Variants in AIRIM observed in about 807,000 individuals in gnomAD.
AIRIM encodes the protein AFG2-interacting ribosome maturation factor.
the AIRIM span, chr1:37,686,405 C>A: frequency 6.2e-7 from 1 of 1,614,084 alleles, no homozygotes; most frequent in East Asian, 2.2e-5. Flanking sequence ...CTGAAACACT[C>A]GCTCCACATG....
the AIRIM span, chr1:37,691,707 C>T: frequency 1.3e-5 from 2 of 152,460 alleles, no homozygotes; most frequent in Non-Finnish European, 2.9e-5. Context: ...CTGCCTCCTG[C>T]CCTGGGCTCC....
At chr1:37,690,614 C>T in the AIRIM span, 2 of 487,558 alleles carry the variant, frequency 4.1e-6, no homozygotes, top group Admixed American at 4.2e-5. Flanking sequence ...GCCGCAATGA[C>T]TTCTGGGTAC....
chr1:37,682,006 C>T, the AIRIM span: 15 of 152,140 alleles, frequency 9.9e-5, no homozygotes, highest in East Asian at 2.9e-3. Context: ...TGGGAGGATC[C>T]CTTGAGCTCA....
the AIRIM span, chr1:37,686,239 T>A: frequency 1.3e-6 from 2 of 1,577,908 alleles, no homozygotes; most frequent in Non-Finnish European, 1.7e-6. Context: ...TTAGAACAGC[T>A]CTGGCTGTGA....
chr1:37,683,718 A>C, the AIRIM span: 4 of 308,920 alleles, frequency 1.3e-5, no homozygotes, highest in African/African-American at 8.6e-5. Flanking sequence ...CAAAAGGGAC[A>C]TGAGAGGTAA....
chr1:37,689,547 T>C, the AIRIM span: 7 of 1,515,870 alleles, frequency 4.6e-6, no homozygotes, highest in South Asian at 2.6e-5. Context: ...ACTAGCTACA[T>C]ATAAAACACC....
the AIRIM span, chr1:37,683,374 AGCTTG>A: frequency 6.2e-7 from 1 of 1,614,102 alleles, no homozygotes; most frequent in South Asian, 1.1e-5. Flanking sequence ...CCTTGGGCAA[AGCTTG>A]TATGTTTGCC....
chr1:37,686,720 A>T, the AIRIM span, among the ~76,000 whole-genome samples: 8 of 152,206 alleles, frequency 5.3e-5, no homozygotes, highest in Non-Finnish European at 1.2e-4. Context: ...TCTCCAATTG[A>T]GACCACTGGT....
the AIRIM span, among the ~76,000 whole-genome samples, chr1:37,687,057 A>G: frequency 2.1e-5 from 3 of 140,562 alleles, no homozygotes; most frequent in African/African-American, 8.0e-5. Flanking sequence ...CTCCGTCTCA[A>G]AAGTGTGTGT....
the AIRIM span, among the ~76,000 whole-genome samples, chr1:37,686,109 T>A: frequency 2.8e-4 from 43 of 152,260 alleles, no homozygotes; most frequent in African/African-American, 9.4e-4. Context: ...AGCTACTCGA[T>A]AAATTATTAG....
the AIRIM span, among the ~76,000 whole-genome samples, chr1:37,688,957 C>T: frequency 7.3e-6 from 1 of 137,232 alleles, no homozygotes; most frequent in Admixed American, 7.4e-5. Context: ...CAGAGCAAGA[C>T]CCTGTCTCAA....
chr1:37,689,752 G>C, the AIRIM span: 1 of 1,613,830 alleles, frequency 6.2e-7, no homozygotes, highest in South Asian at 1.1e-5. Context: ...CCGCCAGGTT[G>C]CTGAGGGAGG....
At chr1:37,690,510 C>T in the AIRIM span, 3 of 1,192,440 alleles carry the variant, frequency 2.5e-6, no homozygotes, top group Non-Finnish European at 3.2e-6. Context: ...GCACCACGCG[C>T]CCACAGTCTC....
At chr1:37,687,599 A>G in the AIRIM span, among the ~76,000 whole-genome samples, 1 of 152,148 alleles carries the variant, frequency 6.6e-6, no homozygotes, top group Admixed American at 6.5e-5. Context: ...AATTTTAAAA[A>G]TTAGCTAGGT....
the AIRIM span, among the ~76,000 whole-genome samples, chr1:37,685,192 T>TTGGGGGGGG: frequency 2.2e-5 from 1 of 44,788 alleles, no homozygotes; most frequent in African/African-American, 9.1e-5. Context: ...TGCTTTTTTT[T>TTGGGGGGGG]GGGGGGGGGG....
the AIRIM span, chr1:37,683,327 A>G: frequency 6.2e-7 from 1 of 1,614,210 alleles, no homozygotes; most frequent in Non-Finnish European, 8.5e-7. Context: ...ACCTTGTACA[A>G]GATCTTGGTG....
chr1:37,686,016 A>G, the AIRIM span, among the ~76,000 whole-genome samples: 2 of 152,146 alleles, frequency 1.3e-5, no homozygotes, highest in Non-Finnish European at 2.9e-5. Context: ...ATTTTTCTCC[A>G]TAACACTTAT....
the AIRIM span, chr1:37,686,273 G>T: frequency 2.5e-6 from 4 of 1,611,844 alleles, no homozygotes; most frequent in Non-Finnish European, 3.4e-6. Context: ...CAAAGGATAC[G>T]ACTTTCGATA....
At chr1:37,689,403 T>A in the AIRIM span, 1 of 568,178 alleles carries the variant, frequency 1.8e-6, no homozygotes, top group African/African-American at 1.9e-5. Flanking sequence ...ACCACTGCCA[T>A]GCCTAGTCTC....
Sources: gnomAD v4.1 joint callset for allele counts (sites outside exome capture counted in the v4.1 genomes callset) on GRCh38, gnomAD v4.1.1 for gene constraint, MANE v1.5 for transcripts, NCBI Gene and HGNC (gene_info 2026-07-23, HGNC 2026-07-21) for gene names.